Variants in COL11A1 observed in about 807,000 individuals in gnomAD.
The protein encoded by COL11A1 is collagen type XI alpha 1 chain.
A neutral mutation model predicts 265.2 loss-of-function variants in COL11A1; 74 were observed. The observed-to-expected ratio is 0.28, with a 90% confidence interval of 0.23 to 0.34. The LOEUF is 0.34. Among genes scored for constraint, COL11A1 ranks in the 10% least tolerant of loss-of-function variants. COL11A1 has a pLI of 1.00. For missense variants in COL11A1, 2,165 were observed against 2,263.6 expected (o/e 0.96, Z 0.88); for synonymous variants, 816 against 727.6 (o/e 1.12, Z -1.96).
At chr1:102,896,655 C>A (rs973771810) in intron 57 of COL11A1, among the ~76,000 whole-genome samples, 3 of 152,150 alleles carry the variant, frequency 2.0e-5, no homozygotes, top group African/African-American at 7.2e-5. Context: ...TGTCCTCTTG[C>A]GCTGTAAACT....
chr1:102,924,947 AT>A (rs893089303), intron 46 of COL11A1, among the ~76,000 whole-genome samples: 4 of 151,840 alleles, frequency 2.6e-5, no homozygotes, highest in Non-Finnish European at 5.9e-5. Flanking sequence ...AGGATTATGG[AT>A]TTTTTTCAGT....
Position 102,974,901 on chromosome 1 carries a change from TG to T in COL11A1, c.2755-19del. ...TGAGGACCCTGGAAATAAAAAGCAG[TG>T]GGGAGAAGTTAACAATATGCCTTAG... On this transcript the variant is annotated intron_variant, in intron 35 of 66. Coordinates refer to ENST00000370096, the MANE Select transcript of COL11A1 (RefSeq NM_001854.4). 6.2e-7 allele frequency: 1 copy of T among 1,606,924 alleles called. No homozygotes were observed. Among genetic ancestry groups the T allele is most frequent in the Non-Finnish European group, 8.5e-7 (1 of 1,173,678 alleles).
At chr1:103,056,452 G>A (rs955547972) in intron 4 of COL11A1, among the ~76,000 whole-genome samples, 1 of 152,144 alleles carries the variant, frequency 6.6e-6, no homozygotes, top group Non-Finnish European at 1.5e-5. Context: ...ACTTCCAAGA[G>A]TTAAAAACAC....
intron 41 of COL11A1, among the ~76,000 whole-genome samples, chr1:102,956,891 C>A (rs941452824): frequency 1.3e-5 from 2 of 148,960 alleles, no homozygotes; most frequent in Non-Finnish European, 3.0e-5. Flanking sequence ...AAAAAAAAAC[C>A]AAGTCAGTTA....
At chr1:103,078,482 C>T (rs200921224) in intron 3 of COL11A1, among the ~76,000 whole-genome samples, 176 bp downstream of exon 3, 23 of 152,002 alleles carry the variant, frequency 1.5e-4, no homozygotes, top group East Asian at 7.7e-4. Context: ...ATTTTGAAAA[C>T]ATTGTTTATT....
At chr1:103,085,794 A>C (rs4908287) in intron 1 of COL11A1, among the ~76,000 whole-genome samples, 83,593 of 151,962 alleles carry the variant, frequency 0.55, 25,851 homozygotes, top group East Asian at 0.98. Flanking sequence ...TATATGTGTT[A>C]TTTTCTCTTA....
chr1:103,078,596 A>C, intron 3 of COL11A1, 62 bp downstream of exon 3: 1 of 1,483,730 alleles, frequency 6.7e-7, no homozygotes. Flanking sequence ...ATATTTGTTA[A>C]GTGACTGAAT....
chr1:103,006,308 C>T lies in COL11A1; in HGVS notation c.1691G>A (p.Arg564Gln). The T allele has an allele frequency of 4.4e-6, 7 of 1,608,620 alleles. No individual in the cohort carries two copies. The highest frequency in any genetic ancestry group is 5.9e-6 in the Non-Finnish European group (7 of 1,177,248). Reference protein sequence around the residue: ...ESGDPGPQGPRGVQGPPGPTG... With the variant: ...ESGDPGPQGPQGVQGPPGPTG... ...TGGACCAGGGGGACCCTGGACGCCT[C>T]GAGGGCCCTATATCAAGACATCATA... Residue 564 changes from arginine to glutamine, a missense_variant, in exon 16 of 67, where the codon CGA (arginine) becomes CAA (glutamine). Coordinates refer to ENST00000370096, the MANE Select transcript of COL11A1 (RefSeq NM_001854.4).
chr1:102,957,991 A>G (rs1660531920), intron 41 of COL11A1, among the ~76,000 whole-genome samples: 1 of 152,022 alleles, frequency 6.6e-6, no homozygotes, highest in Non-Finnish European at 1.5e-5. Context: ...CTTCCTCAGA[A>G]CTCATCACTT....
At chr1:102,937,361 C>CT (rs141949855) in intron 44 of COL11A1, among the ~76,000 whole-genome samples, 10,647 of 152,070 alleles carry the variant, frequency 0.07, 411 homozygotes, top group Non-Finnish European at 0.087. Flanking sequence ...ATAAGGTAGT[C>CT]TAATTAAATC....
intron 7 of COL11A1, among the ~76,000 whole-genome samples, chr1:103,023,357 TG>T (rs1373562425): frequency 6.6e-6 from 1 of 151,292 alleles, no homozygotes; most frequent in African/African-American, 2.4e-5. Context: ...CTTTGCTTAA[TG>T]TTTTTTTCTT....
At chr1:102,910,658 C>A (rs1483356994) in intron 54 of COL11A1, among the ~76,000 whole-genome samples, 2 of 151,968 alleles carry the variant, frequency 1.3e-5, no homozygotes, top group East Asian at 1.9e-4. Flanking sequence ...AACACAGCAA[C>A]AGTTATGAGG....
intron 38 of COL11A1, among the ~76,000 whole-genome samples, chr1:102,964,448 T>C (rs1207045420): frequency 6.6e-6 from 1 of 152,146 alleles, no homozygotes; most frequent in Non-Finnish European, 1.5e-5. Flanking sequence ...GTTTACACAC[T>C]CTATAAAATA....
At chr1:102,936,669 G>C (rs1447069371) in intron 44 of COL11A1, among the ~76,000 whole-genome samples, 1 of 152,042 alleles carries the variant, frequency 6.6e-6, no homozygotes, top group Non-Finnish European at 1.5e-5. Context: ...CCTTACCCAG[G>C]AAATCAATAA....
intron 7 of COL11A1, among the ~76,000 whole-genome samples, chr1:103,023,444 A>T (rs181355042): frequency 1.3e-5 from 2 of 149,790 alleles, no homozygotes; most frequent in African/African-American, 2.5e-5. Context: ...AGCAACCTCC[A>T]CCTCCTGGGT....
chr1:103,025,392 T>A (rs1667431216), intron 7 of COL11A1, 129 bp downstream of exon 7: 1 of 739,042 alleles, frequency 1.4e-6, no homozygotes, highest in Non-Finnish European at 2.3e-6. Flanking sequence ...ATTGTTTCTC[T>A]TACTTTAGTA....
chr1:102,932,316 T>C (rs1657567328), intron 46 of COL11A1, among the ~76,000 whole-genome samples: 1 of 152,150 alleles, frequency 6.6e-6, no homozygotes, highest in Non-Finnish European at 1.5e-5. Flanking sequence ...AGCATTTGCT[T>C]GTCTGTAAAG....
chr1:103,083,014 G>A (rs1007914408), intron 1 of COL11A1, 42 bp from the exon 2 acceptor site: 14 of 1,572,590 alleles, frequency 8.9e-6, no homozygotes, highest in South Asian at 4.5e-5. Flanking sequence ...ATTGAACAAC[G>A]ATCTGATATA....
At chr1:102,922,592 G>A (rs1414624479) in intron 47 of COL11A1, among the ~76,000 whole-genome samples, 1 of 152,068 alleles carries the variant, frequency 6.6e-6, no homozygotes, top group Non-Finnish European at 1.5e-5. Flanking sequence ...GTAGAGACGG[G>A]GTTTCACCGT....
Sources: gnomAD v4.1 joint callset for allele counts (sites outside exome capture counted in the v4.1 genomes callset) on GRCh38, gnomAD v4.1.1 for gene constraint, MANE v1.5 for transcripts, NCBI Gene and HGNC (gene_info 2026-07-23, HGNC 2026-07-21) for gene names.